Variants in FAM171B observed in about 807,000 individuals in gnomAD.
FAM171B encodes protein FAM171B.
Under a neutral mutation model 75.6 loss-of-function variants are expected in FAM171B, and 19 were observed. The ratio of observed to expected loss-of-function variants is 0.25; its 90% CI spans 0.18 to 0.37. The LOEUF (loss-of-function observed/expected upper bound fraction) is 0.37. FAM171B is among the 10% of genes least tolerant of loss of function. The pLI, the probability that FAM171B is intolerant of heterozygous loss-of-function variation, is 1.00. For synonymous variants in FAM171B, 367 were observed against 361.7 expected, an observed-to-expected ratio of 1.01 and a Z score of -0.17; for missense variants, 848 against 982.4, an observed-to-expected ratio of 0.86 and a Z score of 1.83.
chr2:186,715,583 G>C (rs1434638926), intron 1 of FAM171B, among the ~76,000 whole-genome samples: 1 of 152,170 alleles, frequency 6.6e-6, no homozygotes, highest in Admixed American at 6.5e-5. Context: ...GTCATAATAT[G>C]CTCTGTTAAC....
At position 186,700,321 on chromosome 2, in the gene FAM171B, A is replaced by C. The variant is rs1839122; in HGVS notation, c.238+5910A>C. 9.6e-3 allele frequency among the ~76,000 whole-genome samples: 1,454 copies of C among 152,000 alleles called. 28 individuals are homozygous for C. The highest frequency in any genetic ancestry group is 0.033 in the African/African-American group (1,378 of 41,418). On this transcript the variant is annotated intron_variant, in intron 1 of 7. Transcript: ENST00000304698. ...TATTTTAGTGTACACTCTTGACAAAAAGATATACCCATATAAACATCACCC... is the reference window on the plus strand; with the variant it reads ...TATTTTAGTGTACACTCTTGACAAACAGATATACCCATATAAACATCACCC...
At chr2:186,758,300 A>G (rs1394009163) in intron 6 of FAM171B, among the ~76,000 whole-genome samples, 1 of 152,218 alleles carries the variant, frequency 6.6e-6, no homozygotes, top group African/African-American at 2.4e-5. Context: ...TGGTGAGGTG[A>G]GAGTTCCAAT....
chr2:186,701,007 C>T (rs2105770404), intron 1 of FAM171B, among the ~76,000 whole-genome samples: 1 of 152,126 alleles, frequency 6.6e-6, no homozygotes, highest in South Asian at 2.1e-4. Flanking sequence ...ACCTCTGCGT[C>T]CCAGGCTCAA....
chr2:186,752,613 C>T (rs183218215), intron 5 of FAM171B, among the ~76,000 whole-genome samples: 8 of 152,208 alleles, frequency 5.3e-5, no homozygotes, highest in African/African-American at 1.2e-4. Flanking sequence ...TGTTTGAGTC[C>T]TAGTTGCTGA....
rs965012933 is a variant in FAM171B, at chr2:186,764,492, G to A, written c.*1669G>A. ...TTTTTTTTTTTTTTTTTTTTTTAGT[G>A]ATAAGGCTCATAACAATTAATTAGA... is the stretch of plus-strand genomic sequence containing the variant. On this transcript the variant is annotated 3_prime_UTR_variant, in exon 8 of 8. Coordinates refer to ENST00000304698, the MANE Select transcript of FAM171B (RefSeq NM_177454.4). The A allele has an allele frequency of 6.1e-4, 9 of 14,818 alleles. No homozygotes were observed. The highest frequency in any genetic ancestry group is 1.4e-3 in the Non-Finnish European group (6 of 4,186). The allele number at this position is 14,818 out of a possible 1,614,324, so 0.9% of individuals were successfully genotyped here.
At chr2:186,703,043 A>G (rs1689684989) in intron 1 of FAM171B, among the ~76,000 whole-genome samples, 1 of 149,414 alleles carries the variant, frequency 6.7e-6, no homozygotes, top group African/African-American at 2.5e-5. Context: ...TCATTTATAA[A>G]TTATATAATA....
chr2:186,761,064 A>G (rs1382452128), intron 6 of FAM171B, 49 bp from the exon 7 acceptor site: 1 of 1,566,386 alleles, frequency 6.4e-7, no homozygotes, highest in Admixed American at 1.9e-5. Flanking sequence ...CATAGTTGAG[A>G]ATTTGATCTA....
chr2:186,694,626 C>G lies in FAM171B; in HGVS notation c.238+215C>G, dbSNP rs577337078. On this transcript the variant is annotated intron_variant, in intron 1 of 7. Transcript: ENST00000304698. ...CGGGTAATGAGCTTTCTGAGCAGCT[C>G]AGAGCACTGCGGTGGGTTGGAGAGG... Among the ~76,000 whole-genome samples, 109 of 152,154 alleles carry G rather than the reference C, an allele frequency of 7.2e-4. 1 individual carries two copies. The highest frequency in any genetic ancestry group is 7.4e-5 in the Non-Finnish European group (5 of 67,990).
chr2:186,759,624 ATTTG>A (rs776461345), intron 6 of FAM171B, among the ~76,000 whole-genome samples: 1 of 152,024 alleles, frequency 6.6e-6, no homozygotes, highest in Non-Finnish European at 1.5e-5. Context: ...CCTGTTTGCC[ATTTG>A]TTTGTCTTTT....
intron 1 of FAM171B, among the ~76,000 whole-genome samples, chr2:186,723,241 G>C (rs917739672): frequency 6.6e-6 from 1 of 152,174 alleles, no homozygotes; most frequent in Non-Finnish European, 1.5e-5. Context: ...GGAACATTCA[G>C]TAATTGTTGA....
chr2:186,711,391 C>T (rs1322584701), intron 1 of FAM171B, among the ~76,000 whole-genome samples: 1 of 152,164 alleles, frequency 6.6e-6, no homozygotes, highest in Non-Finnish European at 1.5e-5. Flanking sequence ...CTACTTCTTC[C>T]CAACTTTATT....
rs189258711 is a variant in FAM171B at position 186,754,197 on chromosome 2, T to C, written c.1012+148T>C. 80 of 575,646 alleles carry C rather than the reference T, an allele frequency of 1.4e-4. 1 individual carries two copies. The Middle Eastern group carries it at 1.4e-3, about 10-fold the overall frequency. 35.7% of individuals were successfully genotyped at this position (575,646 alleles called of 1,614,324 possible). ...GAACTTGATCTCAGCTTATTTTTTT[T>C]TCATGTGTATCAGATTAAGCGCCAT... On this transcript the variant is annotated intron_variant, in intron 6 of 7. Transcript: ENST00000304698.
chr2:186,762,760 A>G lies in FAM171B; in HGVS notation c.2418A>G (p.Lys806=). 2.5e-6 allele frequency: 4 copies of G among 1,613,320 alleles called. No homozygotes were observed. Among genetic ancestry groups the G allele is most frequent in the Non-Finnish European group, 3.4e-6 (4 of 1,179,556 alleles). The part of the protein sequence containing the change: ...TKRRGRPPLA[K]RDSKTNIWKK... ...GAAGGGGCAGACCACCACTAGCCAA[A>G]AGAGATAGCAAGACTAACATCTGGA... The change falls in exon 8 of 8, where the codon AAA becomes AAG. Residue 806 remains lysine, a synonymous_variant. Transcript: ENST00000304698. This position sits in a 1 kb window ranked among gnomAD's most constrained non-coding sequence, Gnocchi z 4.0.
Position 186,707,841 on chromosome 2 carries a change from TAAA to T in FAM171B, c.238+13441_238+13443del, listed in dbSNP as rs11352829. Among the ~76,000 whole-genome samples, 941 of 144,292 alleles carry T rather than the reference TAAA, an allele frequency of 6.5e-3. 4 individuals carry two copies. The highest frequency in any genetic ancestry group is 0.014 in the Middle Eastern group (4 of 278). The allele number at this position is 144,292 out of a possible 152,430, so 94.7% of individuals were successfully genotyped here. A position where few individuals can be genotyped will look rare whatever the true frequency, so the allele number is the denominator to read the frequency against. The stretch of plus-strand genomic sequence containing the variant: ...TAGCTTAAATACCACTTTTTTTTTT[TAAA>T]AAAAAAAAAAGGTTTTTCATTGACT... On this transcript the variant is annotated intron_variant, in intron 1 of 7. Coordinates refer to ENST00000304698, the MANE Select transcript of FAM171B (RefSeq NM_177454.4).
At chr2:186,746,977 C>A in intron 3 of FAM171B, 115 bp from the exon 4 acceptor site, 1 of 737,096 alleles carries the variant, frequency 1.4e-6, no homozygotes, top group Non-Finnish European at 2.2e-6. Context: ...TGAGAAGATG[C>A]TAATGATGTT....
At chr2:186,701,402 C>T (rs1284030242) in intron 1 of FAM171B, among the ~76,000 whole-genome samples, 1 of 152,106 alleles carries the variant, frequency 6.6e-6, no homozygotes, top group Non-Finnish European at 1.5e-5. Flanking sequence ...GTATACAGTA[C>T]AATATTCTAA....
chr2:186,758,607 C>T (rs186900202), intron 6 of FAM171B, among the ~76,000 whole-genome samples: 1 of 152,162 alleles, frequency 6.6e-6, no homozygotes, highest in East Asian at 1.9e-4. Flanking sequence ...ACAATGAAGT[C>T]TTTGTGATAT....
chr2:186,708,981 C>T (rs1288931591), intron 1 of FAM171B, among the ~76,000 whole-genome samples: 1 of 152,186 alleles, frequency 6.6e-6, no homozygotes, highest in African/African-American at 2.4e-5. Context: ...TATGGTTCTA[C>T]AGGCTGTACA....
At chr2:186,733,098 G>A (rs1432396236) in intron 1 of FAM171B, among the ~76,000 whole-genome samples, 1 of 152,168 alleles carries the variant, frequency 6.6e-6, no homozygotes, top group Non-Finnish European at 1.5e-5. Flanking sequence ...CTGTAACAGT[G>A]CGTGTATTTG....
Sources: allele counts gnomAD v4.1 joint callset (sites outside exome capture counted in the v4.1 genomes callset), GRCh38; gene constraint gnomAD v4.1.1; non-coding constraint Gnocchi (gnomAD v3.1); transcripts MANE v1.5; gene names NCBI Gene and HGNC (gene_info 2026-07-23, HGNC 2026-07-21).